The following CNNM2 variants were observed in gnomAD, a reference collection of about 807,000 sequenced individuals.
CNNM2 encodes metal transporter CNNM2.
A neutral mutation model predicts 66.9 loss-of-function variants in CNNM2; 12 were observed. The observed-to-expected ratio is 0.18, with a 90% CI of 0.11 to 0.29. The LOEUF is 0.29. CNNM2 is among the 10% of genes least tolerant of loss of function. The probability of loss-of-function intolerance (pLI) is 1.00; values close to 1 mark genes in which losing one functional copy is unlikely to be tolerated. For missense variants in CNNM2, 705 were observed against 1,167.7 expected (o/e 0.60, Z 5.77); for synonymous variants, 557 against 501.8 (o/e 1.11, Z -1.47).
At chr10:103,074,060 G>A (rs879517879) in intron 6 of CNNM2, among the ~76,000 whole-genome samples, 1 of 151,318 alleles carries the variant, frequency 6.6e-6, no homozygotes, top group Non-Finnish European at 1.5e-5. Context: ...GGCCAAGGCA[G>A]GTGGATCACC....
At position 103,082,394 on chromosome 10, in the gene CNNM2, T is replaced by C. The variant is rs1192239535; in HGVS notation, c.*5214T>C. 2 of 152,190 alleles carry C rather than the reference T, an allele frequency of 1.3e-5. No individual in the cohort carries two copies. Among genetic ancestry groups the C allele is most frequent in the Non-Finnish European group, 2.9e-5 (2 of 68,042 alleles). 9.4% of individuals were successfully genotyped at this position (152,190 alleles called of 1,614,324 possible). A position where few individuals can be genotyped will look rare whatever the true frequency, so the allele number is the denominator to read the frequency against. On this transcript the variant is annotated 3_prime_UTR_variant, in exon 8 of 8. Coordinates refer to ENST00000369878, the MANE Select transcript of CNNM2 (RefSeq NM_017649.5). ...TAGAGCAGAGCAAAGTTGGGAAGAA[T>C]GAGGTCTTAGGATTCTCATTCCCCA...
At chr10:102,962,375 G>C (rs1454120792) in intron 1 of CNNM2, among the ~76,000 whole-genome samples, 1 of 152,160 alleles carries the variant, frequency 6.6e-6, no homozygotes, top group Admixed American at 6.5e-5. Flanking sequence ...GCATTGACCT[G>C]GGTATGAGGA....
In CNNM2 at chr10:102,918,568, C is replaced by G; in HGVS notation, c.88C>G (p.Arg30Gly). ...ACTGCCCACTTGGAAGATGGCGGCG[C>G]GCCGCAGCCTCAGCGCTCGCGGCCG... ...AALPTWKMAARRSLSARGRGI... is the reference protein window; with the variant it reads ...AALPTWKMAAGRSLSARGRGI... The change falls in exon 1 of 8, where the codon CGC becomes GGC. Residue 30 changes from arginine to glycine, a missense_variant. Transcript: ENST00000369878. This position sits in a 1 kb window ranked among gnomAD's most constrained non-coding sequence, Gnocchi z 4.1. The G allele has an allele frequency of 6.3e-7, 1 of 1,584,730 alleles. No individual in the cohort carries two copies. The highest frequency in any genetic ancestry group is 1.4e-5 in the African/African-American group (1 of 72,250).
chr10:103,038,976 G>T (rs1301403198), intron 1 of CNNM2, among the ~76,000 whole-genome samples: 1 of 151,712 alleles, frequency 6.6e-6, no homozygotes, highest in Non-Finnish European at 1.5e-5. Context: ...GATCTGGTGG[G>T]GATGGTAAGG....
intron 1 of CNNM2, among the ~76,000 whole-genome samples, chr10:102,983,600 G>A (rs1169723338): frequency 6.6e-5 from 10 of 151,762 alleles, no homozygotes; most frequent in Admixed American, 5.9e-4. Context: ...CACGATGCTC[G>A]GCTAGTTTTT....
Position 103,054,399 on chromosome 10 carries a change from A to G in CNNM2, c.1836A>G (p.Thr612=). ...AAGATTTTTCTGCCTTTAAGCAGAC[A>G]GACAGTGAGATGAAGGTTAAAATAT... ...RKQDFSAFKQ[T]DSEMKVKISP... Residue 612 remains threonine (T), a synonymous_variant, in exon 3 of 8, where the codon ACA becomes ACG. Transcript: ENST00000369878. This position sits in a 1 kb window ranked among gnomAD's most constrained non-coding sequence, Gnocchi z 5.2. 1 of 1,613,920 alleles carries G rather than the reference A, an allele frequency of 6.2e-7. No homozygotes were observed. The highest frequency in any genetic ancestry group is 8.5e-7 in the Non-Finnish European group (1 of 1,179,864).
intron 1 of CNNM2, among the ~76,000 whole-genome samples, chr10:102,939,215 A>G (rs1846342864): frequency 6.6e-6 from 1 of 152,176 alleles, no homozygotes; most frequent in Admixed American, 6.5e-5. Flanking sequence ...ATATTTCCTT[A>G]AGGCTTACTT....
At chr10:103,067,521 A>G (rs2065500349) in intron 4 of CNNM2, among the ~76,000 whole-genome samples, 1 of 152,202 alleles carries the variant, frequency 6.6e-6, no homozygotes, top group African/African-American at 2.4e-5. Context: ...TTCCTTTTCA[A>G]TACATGGCAT....
intron 1 of CNNM2, among the ~76,000 whole-genome samples, chr10:102,941,491 C>T (rs889816175): frequency 7.2e-5 from 11 of 152,158 alleles, no homozygotes; most frequent in African/African-American, 2.7e-4. Flanking sequence ...GGATATGGCC[C>T]CTTCTTTGGC....
chr10:102,958,707 T>G (rs1847143811), intron 1 of CNNM2, among the ~76,000 whole-genome samples: 2 of 152,036 alleles, frequency 1.3e-5, no homozygotes, highest in Admixed American at 6.6e-5. Flanking sequence ...TGATCTCAGG[T>G]GATCTACATG....
In CNNM2 at chr10:103,034,986, A is replaced by AT. The variant is rs1373233922; in HGVS notation, c.1622-14721_1622-14720insT. On this transcript the variant is annotated intron_variant, in intron 1 of 7. Transcript: ENST00000369878. ...AGACTCCGTCTCAAAAAAAAAAAAAAAAAATCTCCTACTATTGGCTGGGCA... is the reference window on the plus strand; with the variant it reads ...AGACTCCGTCTCAAAAAAAAAAAAAATAAAATCTCCTACTATTGGCTGGGCA... Among the ~76,000 whole-genome samples, 581 of 149,396 alleles carry AT rather than the reference A, an allele frequency of 3.9e-3. 12 individuals carry two copies. The highest frequency in any genetic ancestry group is 0.01 in the Middle Eastern group (3 of 288).
At chr10:103,032,266 A>G (rs1303920468) in intron 1 of CNNM2, among the ~76,000 whole-genome samples, 1 of 152,176 alleles carries the variant, frequency 6.6e-6, no homozygotes, top group Non-Finnish European at 1.5e-5. Flanking sequence ...CCTGGCCAAC[A>G]TGGTGAAACC....
chr10:103,077,310 C>G lies in CNNM2; in HGVS notation c.*130C>G, dbSNP rs2065708595. The G allele has an allele frequency of 1.3e-6, 1 of 788,238 alleles. No homozygotes were observed. The highest frequency in any genetic ancestry group is 2.7e-5 in the Admixed American group (1 of 37,208). The allele number at this position is 788,238 out of a possible 1,614,324, so 48.8% of individuals were successfully genotyped here. ...CCTGCAACATCCTGAGACCAAAGACCTTGTGCCCTTCCCAGGAGCCGCGGA... is the reference window on the plus strand; with the variant it reads ...CCTGCAACATCCTGAGACCAAAGACGTTGTGCCCTTCCCAGGAGCCGCGGA... On this transcript the variant is annotated 3_prime_UTR_variant, in exon 8 of 8. Coordinates refer to ENST00000369878, the MANE Select transcript of CNNM2 (RefSeq NM_017649.5).
intron 6 of CNNM2, among the ~76,000 whole-genome samples, chr10:103,075,843 G>A (rs1367167405): frequency 1.3e-5 from 2 of 152,152 alleles, no homozygotes; most frequent in African/African-American, 4.8e-5. Flanking sequence ...TTAGAGACTT[G>A]GGAGGATTGT....
intron 1 of CNNM2, among the ~76,000 whole-genome samples, chr10:103,049,174 T>C (rs976242322): frequency 6.6e-6 from 1 of 152,212 alleles, no homozygotes; most frequent in Non-Finnish European, 1.5e-5. Context: ...AGCTACTTCC[T>C]TCCCTTTACT....
intron 6 of CNNM2, among the ~76,000 whole-genome samples, chr10:103,074,978 A>AG (rs2065664110): frequency 6.6e-6 from 1 of 152,238 alleles, no homozygotes; most frequent in Admixed American, 6.5e-5. Context: ...AGACTTAAGG[A>AG]GACCATCACT....
chr10:102,926,355 G>A (rs182028647), intron 1 of CNNM2, among the ~76,000 whole-genome samples: 17 of 152,252 alleles, frequency 1.1e-4, no homozygotes, highest in African/African-American at 3.6e-4. Flanking sequence ...TGGATGAAGC[G>A]GGAAAGGAAC....
chr10:102,959,159 T>C (rs1847156818), intron 1 of CNNM2, among the ~76,000 whole-genome samples: 1 of 152,044 alleles, frequency 6.6e-6, no homozygotes, highest in African/African-American at 2.4e-5. Context: ...GGTCTCAAAC[T>C]CCTGGGCTCA....
intron 1 of CNNM2, among the ~76,000 whole-genome samples, chr10:102,945,916 G>A (rs1846603072): frequency 1.3e-5 from 2 of 151,750 alleles, no homozygotes; most frequent in African/African-American, 2.4e-5. Flanking sequence ...GTGCTCAGTC[G>A]ATATTTGCTT....
Sources: allele counts gnomAD v4.1 joint callset (sites outside exome capture counted in the v4.1 genomes callset), GRCh38; gene constraint gnomAD v4.1.1; non-coding constraint Gnocchi (gnomAD v3.1); transcripts MANE v1.5; gene names NCBI Gene and HGNC (gene_info 2026-07-23, HGNC 2026-07-21).